USP7: variants seen among roughly 807,000 people sequenced by gnomAD.
USP7 encodes ubiquitin C-terminal hydrolase 7.
USP7 carries 9 observed loss-of-function variants against 162.9 expected under a neutral mutation model. That is an observed-to-expected ratio of 0.06 (90% CI 0.03 to 0.10). USP7 has a LOEUF of 0.10. USP7 is among the 10% of genes least tolerant of loss of function. The probability of loss-of-function intolerance (pLI) is 1.00; values close to 1 mark genes in which losing one functional copy is unlikely to be tolerated. For synonymous variants in USP7, 562 were observed against 475.9 expected, an observed-to-expected ratio of 1.18 and a Z score of -2.35; for missense variants, 715 against 1,373.7, an observed-to-expected ratio of 0.52 and a Z score of 7.58.
At chr16:8,927,780 G>A (rs1442211887) in intron 2 of USP7, among the ~76,000 whole-genome samples, 2 of 152,252 alleles carry the variant, frequency 1.3e-5, no homozygotes, top group Non-Finnish European at 2.9e-5. Flanking sequence ...AGGTTGCAGT[G>A]AGCTGAGATC....
chr16:8,923,517 C>T, intron 2 of USP7, 104 bp from the exon 3 acceptor site: 2 of 1,231,276 alleles, frequency 1.6e-6, no homozygotes, highest in South Asian at 1.4e-5. Context: ...GATTTAACTG[C>T]TAAAACCTAA....
intron 1 of USP7, among the ~76,000 whole-genome samples, chr16:8,946,239 T>C (rs1487957476): frequency 6.6e-6 from 1 of 152,148 alleles, no homozygotes; most frequent in East Asian, 1.9e-4. Context: ...AGGGCAAATA[T>C]TTGGACATAA....
intron 1 of USP7, among the ~76,000 whole-genome samples, chr16:8,957,967 A>G (rs1899876745): frequency 6.6e-6 from 1 of 152,214 alleles, no homozygotes; most frequent in Admixed American, 6.5e-5. Context: ...CTATCAAAGC[A>G]ATACCGTTTT....
At chr16:8,962,286 G>A (rs1238563856) in intron 1 of USP7, among the ~76,000 whole-genome samples, 1 of 152,190 alleles carries the variant, frequency 6.6e-6, no homozygotes, top group African/African-American at 2.4e-5. Flanking sequence ...ACTTTTTAAA[G>A]ACCATTTGGA....
intron 2 of USP7, chr16:8,929,339 A>G: frequency 2.6e-6 from 1 of 378,702 alleles, no homozygotes; most frequent in South Asian, 2.0e-5. Context: ...ACAGGTAACA[A>G]AGCAGCGGGT....
chr16:8,919,890 G>C (rs1897591653), intron 5 of USP7, among the ~76,000 whole-genome samples: 1 of 152,106 alleles, frequency 6.6e-6, no homozygotes, highest in Non-Finnish European at 1.5e-5. Flanking sequence ...TCCCAGCCTT[G>C]GAAACACTCA....
intron 1 of USP7, among the ~76,000 whole-genome samples, chr16:8,951,720 T>C (rs1291384885): frequency 6.6e-6 from 1 of 152,220 alleles, no homozygotes; most frequent in African/African-American, 2.4e-5. Context: ...CTCAGGCCTT[T>C]TCACATTTAA....
intron 13 of USP7, 142 bp downstream of exon 13, chr16:8,906,284 A>G: frequency 4.4e-6 from 4 of 913,488 alleles, no homozygotes; most frequent in East Asian, 5.1e-5. Flanking sequence ...ATGGATGGGA[A>G]AACAGCATTT....
intron 1 of USP7, among the ~76,000 whole-genome samples, chr16:8,959,933 G>A (rs938886729): frequency 6.6e-6 from 1 of 152,168 alleles, no homozygotes; most frequent in Admixed American, 6.5e-5. Flanking sequence ...ATTCGTCTCA[G>A]AGCCGACACT....
intron 11 of USP7, 138 bp downstream of exon 11, chr16:8,910,607 C>A (rs1596366533): frequency 3.9e-6 from 3 of 760,578 alleles, no homozygotes; most frequent in East Asian, 2.7e-5. Context: ...TTCAATTATC[C>A]TACAAACAGA....
intron 1 of USP7, among the ~76,000 whole-genome samples, chr16:8,949,861 C>T (rs1333437583): frequency 6.6e-6 from 1 of 152,208 alleles, no homozygotes; most frequent in Non-Finnish European, 1.5e-5. Flanking sequence ...GAAGCTCCTT[C>T]TAAGAAGTTA....
chr16:8,952,163 C>A (rs1247919620), intron 1 of USP7, among the ~76,000 whole-genome samples: 1 of 152,072 alleles, frequency 6.6e-6, no homozygotes, highest in Non-Finnish European at 1.5e-5. Context: ...GGTGGGAGGA[C>A]TCCTGAGCCC....
Position 8,930,320 on chromosome 16 carries a change from T to G in USP7, c.157A>C (p.Asn53His), listed in dbSNP as rs1034639985. ...TCCTCCATGTCCTCCTCCGCGGTGT[T>G]GTGTCCATCACTCAGGGCCACATTC... is the stretch of plus-strand genomic sequence containing the variant. ...NGNVALSDGH[N>H]TAEEDMEDDT... The change falls in exon 2 of 31, where the codon AAC (asparagine) becomes CAC (histidine). Residue 53 changes from asparagine to histidine, a missense_variant. Transcript: ENST00000344836. 1.2e-6 allele frequency: 2 copies of G among 1,613,604 alleles called. No homozygotes were observed. The highest frequency in any genetic ancestry group is 8.5e-7 in the Non-Finnish European group (1 of 1,179,744).
Position 8,902,136 on chromosome 16 carries a change from C to T in USP7, c.1993G>A (p.Val665Ile), listed in dbSNP as rs768404148. Residue 665 changes from valine (V) to isoleucine (I), a missense_variant, in exon 18 of 31, where the codon GTT becomes ATT. Val to Ile is a conservative substitution (Grantham distance 29). Around this residue, in one of 11 missense-constraint regions of USP7, gnomAD observed 197 missense variants for 306.5 expected, o/e 0.64. Transcript: ENST00000344836. Reference protein sequence around the residue: ...ENPWTIFLETVDPELAASGAT... With the variant: ...ENPWTIFLETIDPELAASGAT... ...CCACTAGCAGCCAGCTCGGGATCAA[C>T]TGTTTCCAGGAATATTGTCCAAGGG... 1.2e-6 allele frequency: 2 copies of T among 1,614,234 alleles called. No homozygotes were observed. The highest frequency in any genetic ancestry group is 2.2e-5 in the South Asian group (2 of 91,082).
chr16:8,908,400 T>G lies in USP7; in HGVS notation c.1212A>C (p.Leu404=). 5.0e-6 allele frequency: 8 copies of G among 1,613,752 alleles called. No homozygotes were observed. Among genetic ancestry groups the G allele is most frequent in the Non-Finnish European group, 6.8e-6 (8 of 1,179,934 alleles). Residue 404 remains leucine (L), a synonymous_variant, in exon 12 of 31, where the codon CTA becomes CTC. Transcript: ENST00000344836. ...KFLTLPPVLH[L]QLMRFMYDPQ... ...GGTCATACATAAATCTCATCAGTTG[T>G]AGATGTAACACTGGTGGCAATGTTA...
At chr16:8,954,672 T>C (rs1899709428) in intron 1 of USP7, among the ~76,000 whole-genome samples, 1 of 152,208 alleles carries the variant, frequency 6.6e-6, no homozygotes, top group African/African-American at 2.4e-5. Flanking sequence ...GAGGTTTGCG[T>C]AGTTTAATAA....
At chr16:8,895,263 A>C in intron 27 of USP7, 113 bp from the exon 28 acceptor site, 1 of 1,514,054 alleles carries the variant, frequency 6.6e-7, no homozygotes, top group Non-Finnish European at 8.9e-7. Context: ...ATTTTTGCTA[A>C]AAAAACGCCA....
At chr16:8,902,845 G>A (rs143770006) in intron 16 of USP7, among the ~76,000 whole-genome samples, 554 of 152,092 alleles carry the variant, frequency 3.6e-3, no homozygotes, top group Non-Finnish European at 6.0e-3. Context: ...CCAAGATCGC[G>A]CCACTGGGCA....
intron 1 of USP7, among the ~76,000 whole-genome samples, chr16:8,944,213 AC>A (rs1174565337): frequency 4.8e-5 from 7 of 144,412 alleles, no homozygotes; most frequent in Non-Finnish European, 1.1e-4. Flanking sequence ...AAGCAAAAAT[AC>A]GCAGAGCAAC....
Sources: gnomAD v4.1 joint callset for allele counts (sites outside exome capture counted in the v4.1 genomes callset) on GRCh38, gnomAD v4.1.1 for gene constraint, gnomAD v4.1.1 regional missense constraint, MANE v1.5 for transcripts, NCBI Gene and HGNC (gene_info 2026-07-23, HGNC 2026-07-21) for gene names.